The following ADGRB3 variants were observed in gnomAD, a reference collection of about 807,000 sequenced individuals.
The protein encoded by ADGRB3 is brain-specific angiogenesis inhibitor 3.
ADGRB3 carries 37 observed loss-of-function variants against 193.4 expected under a neutral mutation model. That is an observed-to-expected ratio of 0.19 (90% CI 0.15 to 0.25). The LOEUF (loss-of-function observed/expected upper bound fraction) is 0.25. Ranked by LOEUF, ADGRB3 falls within the 10% of genes least tolerant of loss-of-function variation. ADGRB3 has a pLI of 1.00. For synonymous variants in ADGRB3, 690 were observed against 644.2 expected (o/e 1.07, Z -1.08); for missense variants, 1,637 against 1,852.9 (o/e 0.88, Z 2.14).
intron 3 of ADGRB3, among the ~76,000 whole-genome samples, chr6:68,802,812 A>G (rs1767337464): frequency 6.6e-6 from 1 of 152,164 alleles, no homozygotes; most frequent in South Asian, 2.1e-4. Context: ...TCACCAATCC[A>G]ATCTTGGTTT....
chr6:68,816,972 G>C (rs1027240423), intron 3 of ADGRB3, among the ~76,000 whole-genome samples: 1 of 151,846 alleles, frequency 6.6e-6, no homozygotes, highest in East Asian at 1.9e-4. Flanking sequence ...GTCATAAACA[G>C]ACTTGTTAAG....
At chr6:69,203,861 T>G (rs1057350561) in intron 17 of ADGRB3, among the ~76,000 whole-genome samples, 1 of 152,212 alleles carries the variant, frequency 6.6e-6, no homozygotes, top group Non-Finnish European at 1.5e-5. Flanking sequence ...GTGATCCTTC[T>G]GCTCTTATGT....
intron 3 of ADGRB3, among the ~76,000 whole-genome samples, chr6:68,696,951 C>T (rs920732236): frequency 6.6e-6 from 1 of 151,994 alleles, no homozygotes; most frequent in Admixed American, 6.6e-5. Flanking sequence ...GTACTTCTTA[C>T]TCTTAGAGAA....
At chr6:69,027,935 A>G (rs1256747226) in intron 13 of ADGRB3, among the ~76,000 whole-genome samples, 2 of 152,218 alleles carry the variant, frequency 1.3e-5, no homozygotes, top group Admixed American at 6.5e-5. Flanking sequence ...GAATGCCTGT[A>G]AAGTTTAGAA....
At chr6:68,935,873 CTTTAT>C (rs1465715977) in intron 4 of ADGRB3, among the ~76,000 whole-genome samples, 1 of 151,946 alleles carries the variant, frequency 6.6e-6, no homozygotes, top group Non-Finnish European at 1.5e-5. Flanking sequence ...AGAAATTTTT[CTTTAT>C]TTTGAGTTAA....
intron 13 of ADGRB3, among the ~76,000 whole-genome samples, chr6:69,031,454 A>AT (rs1328182590): frequency 2.1e-4 from 31 of 149,894 alleles, no homozygotes; most frequent in Non-Finnish European, 3.3e-4. Flanking sequence ...AAAAAAAAAA[A>AT]AATTCTAGAG....
chr6:68,885,426 G>T (rs575449039), intron 3 of ADGRB3, among the ~76,000 whole-genome samples: 1 of 152,134 alleles, frequency 6.6e-6, no homozygotes, highest in Non-Finnish European at 1.5e-5. Flanking sequence ...TTACATTTGT[G>T]GAATGATTAA....
At chr6:68,974,184 T>C (rs1768670053) in intron 8 of ADGRB3, among the ~76,000 whole-genome samples, 1 of 152,182 alleles carries the variant, frequency 6.6e-6, no homozygotes, top group Admixed American at 6.5e-5. Context: ...TTTTTATTGA[T>C]ATGCCTGAAT....
intron 20 of ADGRB3, among the ~76,000 whole-genome samples, chr6:69,317,935 A>G (rs1012737335): frequency 2.0e-5 from 3 of 151,516 alleles, no homozygotes; most frequent in African/African-American, 7.3e-5. Context: ...AGGAAATAAA[A>G]TTTTATATGT....
At chr6:68,977,970 T>C (rs1168801261) in intron 10 of ADGRB3, among the ~76,000 whole-genome samples, 2 of 151,598 alleles carry the variant, frequency 1.3e-5, no homozygotes, top group African/African-American at 4.8e-5. Flanking sequence ...TGTCTTATAC[T>C]CTATTGCTGG....
intron 3 of ADGRB3, among the ~76,000 whole-genome samples, chr6:68,837,960 T>G (rs78449215): frequency 3.3e-5 from 5 of 152,168 alleles, no homozygotes; most frequent in Non-Finnish European, 7.4e-5. Context: ...GGCATTCTGA[T>G]AGTTATGCCT....
chr6:68,902,320 A>G (rs1169333753), intron 3 of ADGRB3, among the ~76,000 whole-genome samples: 1 of 152,132 alleles, frequency 6.6e-6, no homozygotes, highest in Non-Finnish European at 1.5e-5. Flanking sequence ...ACAATAAATC[A>G]AGCCATCTGT....
intron 3 of ADGRB3, among the ~76,000 whole-genome samples, chr6:68,844,266 A>G (rs890554621): frequency 6.6e-6 from 1 of 152,156 alleles, no homozygotes; most frequent in Non-Finnish European, 1.5e-5. Flanking sequence ...AAATATTTGC[A>G]AACTAACCAT....
At chr6:69,232,346 C>T (rs187114037) in intron 17 of ADGRB3, 2 of 1,299,864 alleles carry the variant, frequency 1.5e-6, no homozygotes, top group Admixed American at 3.1e-5. Flanking sequence ...ATCCCCCCCA[C>T]CACGAACAAG....
chr6:69,107,994 A>T (rs890169032), intron 17 of ADGRB3, among the ~76,000 whole-genome samples: 10 of 151,852 alleles, frequency 6.6e-5, no homozygotes, highest in African/African-American at 2.4e-4. Context: ...CATGCAATGA[A>T]TCTAGATAAC....
intron 3 of ADGRB3, among the ~76,000 whole-genome samples, chr6:68,886,177 C>G (rs573240129): frequency 6.6e-6 from 1 of 152,232 alleles, no homozygotes; most frequent in South Asian, 2.1e-4. Flanking sequence ...TGTATCTCCA[C>G]TGTTGTCAAA....
chr6:69,342,339 C>T (rs1234229078), intron 26 of ADGRB3, among the ~76,000 whole-genome samples: 1 of 151,972 alleles, frequency 6.6e-6, no homozygotes, highest in Non-Finnish European at 1.5e-5. Flanking sequence ...AATGGCAAAT[C>T]ACATATTTCT....
intron 13 of ADGRB3, among the ~76,000 whole-genome samples, chr6:69,021,403 C>CTCAGAACTA (rs1317691988): frequency 6.6e-6 from 1 of 151,788 alleles, no homozygotes; most frequent in African/African-American, 2.4e-5. Context: ...ATAAAAGACT[C>CTCAGAACTA]TCAGAACTAA....
chr6:69,235,174 G>C lies in ADGRB3; in HGVS notation c.2711+39G>C, dbSNP rs776885281. The C allele has an allele frequency of 1.3e-5, 18 of 1,381,432 alleles. No individual in the cohort carries two copies. The South Asian group carries it at 1.8e-4, about 14-fold the overall frequency. The allele number at this position is 1,381,432 out of a possible 1,614,324, so 85.6% of individuals were successfully genotyped here. A position where few individuals can be genotyped will look rare whatever the true frequency, so the allele number is the denominator to read the frequency against. On this transcript the variant is annotated intron_variant, in intron 19 of 31. Transcript: ENST00000370598. ...TGATAGACCTGAAATGCAATGCTTAGTTGTTCATAGTTAAATCAAGGAATG... is the reference window on the plus strand; with the variant it reads ...TGATAGACCTGAAATGCAATGCTTACTTGTTCATAGTTAAATCAAGGAATG...
Sources: gnomAD v4.1 joint callset for allele counts (sites outside exome capture counted in the v4.1 genomes callset) on GRCh38, gnomAD v4.1.1 for gene constraint, MANE v1.5 for transcripts, NCBI Gene and HGNC (gene_info 2026-07-23, HGNC 2026-07-21) for gene names.